CTTNBP2: variants seen among roughly 807,000 people sequenced by gnomAD.
The protein encoded by CTTNBP2 is cortactin binding protein 2, also known as cortactin-binding protein 2.
In CTTNBP2, 108 loss-of-function variants were observed where a neutral mutation model predicts 156.9. The observed-to-expected ratio is 0.69, with a 90% CI of 0.59 to 0.81. The LOEUF is 0.81. Ranked by LOEUF, CTTNBP2 falls within the 30% of genes least tolerant of loss-of-function variation. The probability of loss-of-function intolerance (pLI) is 0.00; values close to 1 mark genes in which losing one functional copy is unlikely to be tolerated. For synonymous variants in CTTNBP2, 767 were observed against 751.8 expected (o/e 1.02, Z -0.33); for missense variants, 1,924 against 2,035.4 (o/e 0.95, Z 1.05).
At chr7:117,733,431 G>A (rs34193347) in intron 16 of CTTNBP2, among the ~76,000 whole-genome samples, 7 of 152,260 alleles carry the variant, frequency 4.6e-5, no homozygotes, top group African/African-American at 1.7e-4. Context: ...ACCTGAAATA[G>A]TGCCAATCCT....
chr7:117,806,375 T>C (rs1442704835), intron 3 of CTTNBP2, among the ~76,000 whole-genome samples: 1 of 152,218 alleles, frequency 6.6e-6, no homozygotes, highest in African/African-American at 2.4e-5. Flanking sequence ...ATTACAGCCA[T>C]TTATAAATTG....
intron 14 of CTTNBP2, among the ~76,000 whole-genome samples, chr7:117,740,842 T>C (rs1795969592): frequency 1.3e-5 from 2 of 152,196 alleles, no homozygotes. Flanking sequence ...TGCTCTGAAG[T>C]CTCTGGTGTC....
rs1218794607 is a variant in CTTNBP2 at position 117,792,917 on chromosome 7, A to C, written c.415-136T>G. The stretch of plus-strand genomic sequence containing the variant: ...TTAGCAAAAACGCCACATTTTCAAA[A>C]AGTGTTGTGATAAGAAATATTTTAA... On this transcript the variant is annotated intron_variant, in intron 3 of 22. Transcript: ENST00000160373. The surrounding 1 kb of genome is among the most constrained non-coding windows in gnomAD (Gnocchi z 4.2). 1 of 550,088 alleles carries C rather than the reference A, an allele frequency of 1.8e-6. No individual in the cohort carries two copies. Among genetic ancestry groups the C allele is most frequent in the African/African-American group, 1.9e-5 (1 of 51,854 alleles). The allele number at this position is 550,088 out of a possible 1,614,324, so 34.1% of individuals were successfully genotyped here.
At chr7:117,837,238 TA>T (rs1181653825) in intron 2 of CTTNBP2, among the ~76,000 whole-genome samples, 1 of 152,198 alleles carries the variant, frequency 6.6e-6, no homozygotes, top group Non-Finnish European at 1.5e-5. Context: ...AAAATTCCCC[TA>T]AGCCATTGAA....
chr7:117,768,565 C>CAAA (rs747773487), intron 8 of CTTNBP2, among the ~76,000 whole-genome samples: 125 of 55,530 alleles, frequency 2.3e-3, no homozygotes, highest in African/African-American at 6.7e-3. Context: ...GACTCTGTCT[C>CAAA]AAAAAAAAAA....
intron 14 of CTTNBP2, among the ~76,000 whole-genome samples, chr7:117,736,550 G>A (rs879128128): frequency 6.6e-6 from 1 of 152,174 alleles, no homozygotes; most frequent in African/African-American, 2.4e-5. Context: ...CAATGGTAAG[G>A]GAGGAGTAAA....
intron 22 of CTTNBP2, among the ~76,000 whole-genome samples, chr7:117,716,520 A>AG (rs1171715343): frequency 1.3e-5 from 2 of 152,086 alleles, no homozygotes; most frequent in African/African-American, 2.4e-5. Context: ...CAATAAATAC[A>AG]GGGGGAGTGA....
intron 3 of CTTNBP2, among the ~76,000 whole-genome samples, chr7:117,800,299 A>G (rs1220956034): frequency 2.0e-5 from 3 of 152,122 alleles, no homozygotes; most frequent in Admixed American, 6.5e-5. Flanking sequence ...AGACTAATCC[A>G]TGATGAAAAA....
chr7:117,842,207 G>C (rs1321689730), intron 2 of CTTNBP2, among the ~76,000 whole-genome samples: 1 of 152,076 alleles, frequency 6.6e-6, no homozygotes, highest in Non-Finnish European at 1.5e-5. Flanking sequence ...CTCCGAAAAA[G>C]TCTTTTTTTT....
chr7:117,776,151 C>T (rs539881202), intron 8 of CTTNBP2, among the ~76,000 whole-genome samples: 1 of 152,284 alleles, frequency 6.6e-6, no homozygotes, highest in East Asian at 1.9e-4. Flanking sequence ...GATGTCTTTT[C>T]CTTGTTCCTT....
chr7:117,796,026 T>A (rs1799295733), intron 3 of CTTNBP2, among the ~76,000 whole-genome samples: 1 of 152,218 alleles, frequency 6.6e-6, no homozygotes, highest in Non-Finnish European at 1.5e-5. Flanking sequence ...TGACTTAGTC[T>A]CTCTTTACAG....
intron 1 of CTTNBP2, among the ~76,000 whole-genome samples, chr7:117,865,671 C>CAAAAAAAAAAAAAAAAAAAAAAA (rs61533705): frequency 1.3e-5 from 1 of 74,520 alleles, no homozygotes; most frequent in Non-Finnish European, 2.6e-5. Flanking sequence ...ACTCCATCTC[C>CAAAAAAAAAAAAAAAAAAAAAAA]AAAAAAAAAA....
intron 8 of CTTNBP2, among the ~76,000 whole-genome samples, chr7:117,768,113 A>C (rs969620823): frequency 2.0e-5 from 3 of 151,618 alleles, no homozygotes; most frequent in African/African-American, 7.3e-5. Flanking sequence ...ACACACACAC[A>C]CACCCACTTG....
chr7:117,858,013 G>T (rs183544055), intron 2 of CTTNBP2, among the ~76,000 whole-genome samples: 1 of 152,266 alleles, frequency 6.6e-6, no homozygotes, highest in Middle Eastern at 3.4e-3. Context: ...ATTACCTACT[G>T]TAAAAAACAC....
chr7:117,791,675 G>T lies in CTTNBP2; in HGVS notation c.1521C>A (p.Pro507=). 1 of 1,614,194 alleles carries T rather than the reference G, an allele frequency of 6.2e-7. No individual in the cohort carries two copies. Among genetic ancestry groups the T allele is most frequent in the Non-Finnish European group, 8.5e-7 (1 of 1,180,034 alleles). ...SRFTSPQAGA[P]SRPGVPPTGD... is the part of the protein sequence containing the mutation. ...CTGTTGGGGGCACTCCAGGCCTTGA[G>T]GGAGCACCTGCTTGAGGGCTTGTAA... Residue 507 remains proline (P), a synonymous_variant, in exon 4 of 23, where the codon CCC becomes CCA. Coordinates refer to ENST00000160373, the MANE Select transcript of CTTNBP2 (RefSeq NM_033427.3).
intron 2 of CTTNBP2, among the ~76,000 whole-genome samples, chr7:117,842,118 T>C (rs1802309231): frequency 6.6e-6 from 1 of 152,212 alleles, no homozygotes; most frequent in Non-Finnish European, 1.5e-5. Flanking sequence ...AATAGGTTAA[T>C]AATAGAGGAA....
At chr7:117,798,426 A>G (rs1799439338) in intron 3 of CTTNBP2, among the ~76,000 whole-genome samples, 1 of 152,182 alleles carries the variant, frequency 6.6e-6, no homozygotes, top group African/African-American at 2.4e-5. Flanking sequence ...GAAATAAATC[A>G]TAAGATATTA....
intron 2 of CTTNBP2, among the ~76,000 whole-genome samples, chr7:117,842,923 T>C (rs1802361495): frequency 6.6e-6 from 1 of 152,168 alleles, no homozygotes; most frequent in African/African-American, 2.4e-5. Context: ...GGAGCTTACA[T>C]TCTAGTAGGA....
Position 117,844,224 on chromosome 7 carries a change from G to A in CTTNBP2, c.189+16985C>T, listed in dbSNP as rs147106550. Among the ~76,000 whole-genome samples the A allele has an allele frequency of 1.1e-3, 173 of 152,316 alleles. 3 individuals carry two copies. The East Asian group carries it at 0.023, about 21-fold the overall frequency. ...CTCCCATGGAACCTCCAGAAGAAAT[G>A]CAGCCTTGATGACTCATTTTAGACT... On this transcript the variant is annotated intron_variant, in intron 2 of 22. Coordinates refer to ENST00000160373, the MANE Select transcript of CTTNBP2 (RefSeq NM_033427.3).
Sources: allele counts gnomAD v4.1 joint callset (sites outside exome capture counted in the v4.1 genomes callset), GRCh38; gene constraint gnomAD v4.1.1; non-coding constraint Gnocchi (gnomAD v3.1); transcripts MANE v1.5; gene names NCBI Gene and HGNC (gene_info 2026-07-23, HGNC 2026-07-21).